Variants in ATP8A2 observed in about 807,000 individuals in gnomAD.
The protein encoded by ATP8A2 is phospholipid-transporting ATPase IB.
A neutral mutation model predicts 165.6 loss-of-function variants in ATP8A2; 100 were observed. The observed-to-expected ratio is 0.60, with a 90% CI of 0.51 to 0.71. The LOEUF (loss-of-function observed/expected upper bound fraction) is 0.71, where lower values mean the gene tolerates loss of function less well. Ranked by LOEUF, ATP8A2 falls within the 30% of genes least tolerant of loss-of-function variation. The pLI is 0.00. For missense variants in ATP8A2, 1,227 were observed against 1,479.5 expected, an observed-to-expected ratio of 0.83 and a Z score of 2.80; for synonymous variants, 543 against 548.8, an observed-to-expected ratio of 0.99 and a Z score of 0.15.
chr13:25,948,088 A>G (rs1955259370), intron 33 of ATP8A2, among the ~76,000 whole-genome samples: 1 of 152,088 alleles, frequency 6.6e-6, no homozygotes, highest in South Asian at 2.1e-4. Flanking sequence ...CACTATTAAC[A>G]CTTACTGTCT....
chr13:25,994,497 T>C (rs1956456778), intron 35 of ATP8A2, among the ~76,000 whole-genome samples: 1 of 152,138 alleles, frequency 6.6e-6, no homozygotes, highest in African/African-American at 2.4e-5. Flanking sequence ...TAAAGTGTGG[T>C]GCTAGCTGCA....
chr13:25,804,775 T>C (rs994260573), intron 27 of ATP8A2, among the ~76,000 whole-genome samples: 15 of 152,128 alleles, frequency 9.9e-5, no homozygotes, highest in Non-Finnish European at 1.5e-4. Context: ...ACTTCTCAAC[T>C]TAGTGCGCAG....
intron 33 of ATP8A2, among the ~76,000 whole-genome samples, chr13:25,957,107 T>A (rs980750999): frequency 6.6e-6 from 1 of 152,152 alleles, no homozygotes; most frequent in South Asian, 2.1e-4. Flanking sequence ...TCACACCTTA[T>A]ACAAAAAATT....
chr13:25,483,209 G>A (rs919610708), intron 2 of ATP8A2, among the ~76,000 whole-genome samples: 3 of 152,218 alleles, frequency 2.0e-5, no homozygotes, highest in Non-Finnish European at 4.4e-5. Context: ...CAGTGGGGCT[G>A]TAAGTGGACA....
intron 2 of ATP8A2, among the ~76,000 whole-genome samples, chr13:25,513,950 A>C (rs891203684): frequency 1.0e-4 from 13 of 125,856 alleles, no homozygotes; most frequent in Non-Finnish European, 1.8e-4. Context: ...GACCGTGGAA[A>C]GAGAGGGAGA....
intron 25 of ATP8A2, among the ~76,000 whole-genome samples, chr13:25,729,851 A>G (rs1276433496): frequency 1.3e-5 from 2 of 152,318 alleles, no homozygotes; most frequent in African/African-American, 2.4e-5. Flanking sequence ...GGGGAAAAAA[A>G]TAGCTCTCTG....
intron 25 of ATP8A2, among the ~76,000 whole-genome samples, chr13:25,761,780 G>C (rs2044384105): frequency 6.6e-6 from 1 of 151,756 alleles, no homozygotes; most frequent in Non-Finnish European, 1.5e-5. Context: ...TAAATGTTTG[G>C]TAAGCTGGTA....
chr13:25,704,487 C>A (rs1446015965), intron 25 of ATP8A2, among the ~76,000 whole-genome samples: 4 of 152,068 alleles, frequency 2.6e-5, no homozygotes, highest in African/African-American at 9.7e-5. Flanking sequence ...TAGCATGCCA[C>A]TATGCCTGGC....
chr13:25,415,629 T>C (rs947940896), intron 1 of ATP8A2, among the ~76,000 whole-genome samples: 2 of 152,200 alleles, frequency 1.3e-5, no homozygotes, highest in Non-Finnish European at 2.9e-5. Flanking sequence ...ATCCTGAGTC[T>C]CTTCCTCTTG....
chr13:25,813,920 G>A (rs1197616800), intron 27 of ATP8A2, among the ~76,000 whole-genome samples: 1 of 152,160 alleles, frequency 6.6e-6, no homozygotes, highest in East Asian at 1.9e-4. Context: ...CTCCTGCCTA[G>A]CTGCCTTCAA....
chr13:25,821,013 T>A (rs780229714), intron 27 of ATP8A2, among the ~76,000 whole-genome samples: 3 of 152,146 alleles, frequency 2.0e-5, no homozygotes, highest in Admixed American at 6.5e-5. Flanking sequence ...CATCTAATGA[T>A]GGATTATTTG....
At chr13:25,434,550 T>C (rs1593302075) in intron 1 of ATP8A2, among the ~76,000 whole-genome samples, 1 of 152,200 alleles carries the variant, frequency 6.6e-6, no homozygotes, top group East Asian at 1.9e-4. Flanking sequence ...GGTTTTGCCA[T>C]GTTGGCCAGT....
intron 35 of ATP8A2, among the ~76,000 whole-genome samples, chr13:25,988,075 A>G (rs1423209196): frequency 6.6e-6 from 1 of 152,280 alleles, no homozygotes; most frequent in Non-Finnish European, 1.5e-5. Context: ...ACAGGTTTAC[A>G]GAAAATGAAA....
At chr13:25,614,819 C>T (rs1429822736) in intron 24 of ATP8A2, among the ~76,000 whole-genome samples, 1 of 152,208 alleles carries the variant, frequency 6.6e-6, no homozygotes, top group African/African-American at 2.4e-5. Context: ...CAGGCTGCCA[C>T]TGGGGAATGT....
intron 24 of ATP8A2, among the ~76,000 whole-genome samples, chr13:25,679,859 G>GT (rs764260115): frequency 4.6e-5 from 7 of 151,770 alleles, no homozygotes; most frequent in Non-Finnish European, 1.0e-4. Context: ...AACATAGATT[G>GT]TTGATTGCGG....
chr13:25,543,255 C>CT, intron 9 of ATP8A2, 36 bp from the exon 10 acceptor site: 7 of 1,313,312 alleles, frequency 5.3e-6, no homozygotes, highest in Non-Finnish European at 7.6e-6. Flanking sequence ...ATTTTCCAGA[C>CT]TATCATTAAA....
intron 1 of ATP8A2, among the ~76,000 whole-genome samples, chr13:25,434,634 C>T (rs1414892779): frequency 6.6e-6 from 1 of 152,206 alleles, no homozygotes; most frequent in African/African-American, 2.4e-5. Context: ...CAGGCATGAG[C>T]CACTGTGCCT....
intron 1 of ATP8A2, among the ~76,000 whole-genome samples, chr13:25,421,650 A>G (rs2034303129): frequency 6.6e-6 from 1 of 152,242 alleles, no homozygotes; most frequent in South Asian, 2.1e-4. Flanking sequence ...TCCTTTTAAA[A>G]GAGAAGTAAA....
intron 24 of ATP8A2, among the ~76,000 whole-genome samples, chr13:25,658,315 T>A (rs776433730): frequency 2.0e-5 from 3 of 152,152 alleles, no homozygotes; most frequent in Non-Finnish European, 4.4e-5. Flanking sequence ...TTGCTTCATA[T>A]GAGTGACTGC....
Sources: gnomAD v4.1 joint callset for allele counts (sites outside exome capture counted in the v4.1 genomes callset) on GRCh38, gnomAD v4.1.1 for gene constraint, MANE v1.5 for transcripts, NCBI Gene and HGNC (gene_info 2026-07-23, HGNC 2026-07-21) for gene names.